XKR6: variants seen among roughly 807,000 people sequenced by gnomAD.
XKR6 encodes XK related 6.
In XKR6, 22 loss-of-function variants were observed where a neutral mutation model predicts 56.7. That is an observed-to-expected ratio of 0.39 (90% CI 0.28 to 0.55). The LOEUF (loss-of-function observed/expected upper bound fraction) is 0.55, where lower values mean the gene tolerates loss of function less well. Among genes scored for constraint, XKR6 ranks in the 20% least tolerant of loss-of-function variants. XKR6 has a pLI of 0.66. For missense variants in XKR6, 852 were observed against 889.0 expected (o/e 0.96, Z 0.53); for synonymous variants, 524 against 387.8 (o/e 1.35, Z -4.13).
chr8:10,914,745 C>T (rs1800506241), intron 2 of XKR6, among the ~76,000 whole-genome samples: 1 of 151,778 alleles, frequency 6.6e-6, no homozygotes, highest in Non-Finnish European at 1.5e-5. Flanking sequence ...GGGGAAATCT[C>T]ACAGCTCCCT....
At chr8:11,183,897 G>C (rs534476593) in intron 1 of XKR6, among the ~76,000 whole-genome samples, 120 of 152,282 alleles carry the variant, frequency 7.9e-4, no homozygotes, top group African/African-American at 2.7e-3. Flanking sequence ...AATGTACATA[G>C]TAGTGTTTAT....
intron 1 of XKR6, among the ~76,000 whole-genome samples, chr8:11,053,568 T>G (rs1000067437): frequency 5.3e-5 from 8 of 152,252 alleles, no homozygotes. Flanking sequence ...CTGCGCCTCC[T>G]GCACCCACTT....
At chr8:10,999,459 T>C (rs920344429) in intron 1 of XKR6, among the ~76,000 whole-genome samples, 5 of 152,246 alleles carry the variant, frequency 3.3e-5, no homozygotes, top group Non-Finnish European at 5.9e-5. Flanking sequence ...TTCTGGATAG[T>C]GGACTTACTA....
At chr8:10,950,862 C>T (rs1424318033) in intron 1 of XKR6, among the ~76,000 whole-genome samples, 2 of 152,192 alleles carry the variant, frequency 1.3e-5, no homozygotes, top group Non-Finnish European at 2.9e-5. Context: ...CCTATCAAAG[C>T]CTCACAATTG....
At chr8:10,975,824 G>C (rs1802537625) in intron 1 of XKR6, among the ~76,000 whole-genome samples, 1 of 152,158 alleles carries the variant, frequency 6.6e-6, no homozygotes, top group African/African-American at 2.4e-5. Context: ...TTCAGATTCT[G>C]CTCTGACACT....
At position 10,998,064 on chromosome 8, in the gene XKR6, G is replaced by A. The variant is rs531711005; in HGVS notation, c.765-73234C>T. On this transcript the variant is annotated intron_variant, in intron 1 of 2. Transcript: ENST00000416569. ...GAAGAGACACCTATGCGTGCAGCAG[G>A]ACAACAGGGGATTGGGGGTCACCAG... is the stretch of plus-strand genomic sequence containing the variant. Among the ~76,000 whole-genome samples the A allele has an allele frequency of 5.4e-4, 82 of 152,166 alleles. No individual in the cohort carries two copies. The Middle Eastern group carries it at 0.01, about 19-fold the overall frequency.
At chr8:11,121,437 C>T (rs994629263) in intron 1 of XKR6, among the ~76,000 whole-genome samples, 8 of 152,164 alleles carry the variant, frequency 5.3e-5, no homozygotes, top group African/African-American at 1.7e-4. Context: ...TGAAAAAATG[C>T]TCATCATCAC....
chr8:11,065,990 G>C (rs1397991241), intron 1 of XKR6, among the ~76,000 whole-genome samples: 2 of 152,248 alleles, frequency 1.3e-5, no homozygotes, highest in Non-Finnish European at 2.9e-5. Flanking sequence ...TGGCAAAGGG[G>C]TTGGGGAAGA....
chr8:10,989,310 C>T (rs926127089), intron 1 of XKR6, among the ~76,000 whole-genome samples: 14 of 152,202 alleles, frequency 9.2e-5, no homozygotes, highest in Admixed American at 5.2e-4. Flanking sequence ...TAATTCCTTT[C>T]GTTGAATTGT....
intron 1 of XKR6, among the ~76,000 whole-genome samples, chr8:11,004,922 A>T (rs562526120): frequency 6.6e-6 from 1 of 152,310 alleles, no homozygotes; most frequent in Admixed American, 6.5e-5. Context: ...ATGCTAAATG[A>T]AATCAGCCAA....
chr8:10,912,597 G>C lies in XKR6; in HGVS notation c.961+12037C>G, dbSNP rs144299793. Among the ~76,000 whole-genome samples the C allele has an allele frequency of 3.5e-3, 502 of 141,570 alleles. 5 individuals carry two copies. The highest frequency in any genetic ancestry group is 0.013 in the African/African-American group (460 of 36,002). The allele number at this position is 141,570 out of a possible 152,430, so 92.9% of individuals were successfully genotyped here. On this transcript the variant is annotated intron_variant, in intron 2 of 2. Transcript: ENST00000416569. ...ATGTGTGTGTGCATATATATATGTAGAGAGAGAGAAAGAGGGTGTGTGAGT... is the reference window on the plus strand; with the variant it reads ...ATGTGTGTGTGCATATATATATGTACAGAGAGAGAAAGAGGGTGTGTGAGT...
intron 2 of XKR6, among the ~76,000 whole-genome samples, chr8:10,909,117 G>T (rs1015046287): frequency 6.6e-6 from 1 of 151,652 alleles, no homozygotes; most frequent in African/African-American, 2.4e-5. Flanking sequence ...AGTGAGCTGA[G>T]ATTGCGCCAC....
chr8:10,929,725 GC>G (rs1330026542), intron 1 of XKR6, among the ~76,000 whole-genome samples: 12 of 152,170 alleles, frequency 7.9e-5, no homozygotes, highest in Non-Finnish European at 1.0e-4. Context: ...ATACCATAGT[GC>G]CCCCTCAGAG....
intron 1 of XKR6, among the ~76,000 whole-genome samples, chr8:10,955,638 T>C (rs79180751): frequency 1.6e-3 from 250 of 152,298 alleles, no homozygotes; most frequent in African/African-American, 5.8e-3. Flanking sequence ...GTCACACAAG[T>C]AGTAGACAGC....
At chr8:11,162,260 T>C (rs1801850473) in intron 1 of XKR6, among the ~76,000 whole-genome samples, 1 of 152,160 alleles carries the variant, frequency 6.6e-6, no homozygotes, top group East Asian at 1.9e-4. Context: ...GCTGTTTAAA[T>C]GAAACAAGGA....
chr8:11,111,583 G>C (rs992422217), intron 1 of XKR6: 5 of 152,052 alleles, frequency 3.3e-5, no homozygotes, highest in African/African-American at 7.2e-5. Context: ...ACAAGAATAG[G>C]CATAGGAGGA....
At chr8:10,916,808 G>T (rs1800577064) in intron 2 of XKR6, among the ~76,000 whole-genome samples, 1 of 152,230 alleles carries the variant, frequency 6.6e-6, no homozygotes, top group Admixed American at 6.5e-5. Context: ...TTGTCCTTCT[G>T]AGTTGTTTGG....
chr8:10,986,764 C>T (rs1451704770), intron 1 of XKR6, among the ~76,000 whole-genome samples: 1 of 151,670 alleles, frequency 6.6e-6, no homozygotes, highest in Non-Finnish European at 1.5e-5. Context: ...AGATCTTTTT[C>T]ATAGGTTTTT....
chr8:11,146,813 C>T (rs878908398), intron 1 of XKR6, among the ~76,000 whole-genome samples: 1 of 151,970 alleles, frequency 6.6e-6, no homozygotes, highest in Admixed American at 6.6e-5. Context: ...GAAATCCTGC[C>T]ATTTGTGACT....
Sources: gnomAD v4.1 joint callset for allele counts (sites outside exome capture counted in the v4.1 genomes callset) on GRCh38, gnomAD v4.1.1 for gene constraint, MANE v1.5 for transcripts, NCBI Gene and HGNC (gene_info 2026-07-23, HGNC 2026-07-21) for gene names.